SGCZ: variants seen among roughly 807,000 people sequenced by gnomAD.
SGCZ encodes zeta-sarcoglycan.
A neutral mutation model predicts 41.3 loss-of-function variants in SGCZ; 40 were observed. That is an observed-to-expected ratio of 0.97 (90% CI 0.75 to 1.26). The LOEUF is 1.26. Ranked by LOEUF, SGCZ falls within the 50% of genes most tolerant of loss-of-function variation. SGCZ has a pLI of 0.00. For missense variants in SGCZ, 552 were observed against 369.8 expected (o/e 1.49, Z -4.04); for synonymous variants, 206 against 137.5 (o/e 1.50, Z -3.49).
chr8:14,254,303 A>G (rs1799387864), intron 3 of SGCZ, among the ~76,000 whole-genome samples: 1 of 152,210 alleles, frequency 6.6e-6, no homozygotes, highest in East Asian at 1.9e-4. Flanking sequence ...TTCCCACAAT[A>G]CTAGCATTTG....
chr8:14,607,694 G>C lies in SGCZ; in HGVS notation c.40-52768C>G, dbSNP rs555911798. On this transcript the variant is annotated intron_variant, in intron 1 of 7. Coordinates refer to ENST00000382080, the MANE Select transcript of SGCZ (RefSeq NM_139167.4). ...TAGAAAGTAGTATTGATCTCAACTC[G>C]TGGGATCTACACAATCAAGAAAAGA... Among the ~76,000 whole-genome samples the C allele has an allele frequency of 1.5e-5, 2 of 129,348 alleles. 1 individual carries two copies. Among genetic ancestry groups the C allele is most frequent in the South Asian group, 4.9e-4 (2 of 4,066 alleles). 84.9% of individuals were successfully genotyped at this position (129,348 alleles called of 152,430 possible).
intron 1 of SGCZ, among the ~76,000 whole-genome samples, chr8:14,987,332 T>A (rs1288030795): frequency 6.6e-6 from 1 of 151,822 alleles, no homozygotes; most frequent in Non-Finnish European, 1.5e-5. Flanking sequence ...AAAACAGAAA[T>A]GAATTCATTT....
chr8:14,187,396 G>T (rs183235675), intron 4 of SGCZ, among the ~76,000 whole-genome samples: 50 of 152,268 alleles, frequency 3.3e-4, no homozygotes, highest in Non-Finnish European at 4.9e-4. Flanking sequence ...GCAAATGTCA[G>T]ACTTAACCAA....
chr8:14,239,889 G>A (rs1201906427), intron 3 of SGCZ, among the ~76,000 whole-genome samples: 1 of 100,622 alleles, frequency 9.9e-6, no homozygotes, highest in Non-Finnish European at 1.8e-5. Context: ...GCGACAGAGC[G>A]AGACTCCGTC....
At chr8:14,895,286 T>C in intron 1 of SGCZ, among the ~76,000 whole-genome samples, 1 of 152,118 alleles carries the variant, frequency 6.6e-6, no homozygotes, top group East Asian at 1.9e-4. Flanking sequence ...ATTCTTCTGA[T>C]TGTTAGTGTA....
intron 1 of SGCZ, among the ~76,000 whole-genome samples, chr8:15,006,295 T>C (rs1372292251): frequency 6.6e-6 from 1 of 152,246 alleles, no homozygotes; most frequent in Non-Finnish European, 1.5e-5. Context: ...CAGTTATTCA[T>C]TTGCAGTAAT....
At chr8:14,123,167 A>G (rs953780561) in intron 5 of SGCZ, among the ~76,000 whole-genome samples, 3 of 152,206 alleles carry the variant, frequency 2.0e-5, no homozygotes, top group African/African-American at 7.2e-5. Context: ...AGATTCCAAG[A>G]TATTTATTTC....
chr8:14,398,241 G>T (rs1045285763), intron 2 of SGCZ, among the ~76,000 whole-genome samples: 4 of 152,124 alleles, frequency 2.6e-5, no homozygotes, highest in Non-Finnish European at 4.4e-5. Flanking sequence ...AGAGTTATTC[G>T]AGCATTCTAA....
chr8:14,170,568 T>G (rs1463902650), intron 4 of SGCZ, among the ~76,000 whole-genome samples: 1 of 152,144 alleles, frequency 6.6e-6, no homozygotes, highest in African/African-American at 2.4e-5. Context: ...TTCTATTGAC[T>G]ACATTGTCTA....
At chr8:14,464,416 T>A (rs989305329) in intron 2 of SGCZ, among the ~76,000 whole-genome samples, 1 of 151,432 alleles carries the variant, frequency 6.6e-6, no homozygotes, top group Non-Finnish European at 1.5e-5. Flanking sequence ...ACTCTTATAA[T>A]CCTTTTTATA....
chr8:14,116,120 T>A (rs376722546), intron 5 of SGCZ, among the ~76,000 whole-genome samples: 1 of 152,096 alleles, frequency 6.6e-6, no homozygotes. Flanking sequence ...AAACAGATGG[T>A]ACATAATTGT....
chr8:14,702,011 G>A (rs145659876), intron 1 of SGCZ, among the ~76,000 whole-genome samples: 2 of 151,758 alleles, frequency 1.3e-5, no homozygotes, highest in South Asian at 4.2e-4. Flanking sequence ...ATTTTTACAC[G>A]CACTGGCACT....
intron 2 of SGCZ, among the ~76,000 whole-genome samples, chr8:14,433,700 G>T (rs1017876083): frequency 6.6e-6 from 1 of 152,126 alleles, no homozygotes; most frequent in African/African-American, 2.4e-5. Flanking sequence ...ACATAAACAC[G>T]CTCTCTGAGG....
chr8:15,065,349 AG>A (rs1447068380), intron 1 of SGCZ, among the ~76,000 whole-genome samples: 4 of 151,932 alleles, frequency 2.6e-5, no homozygotes, highest in Admixed American at 2.6e-4. Context: ...CTGACCCAGG[AG>A]GCCTAGTTAG....
At chr8:14,636,783 G>T (rs1806842610) in intron 1 of SGCZ, among the ~76,000 whole-genome samples, 2 of 151,822 alleles carry the variant, frequency 1.3e-5, no homozygotes, top group African/African-American at 4.8e-5. Context: ...GACTATAAAT[G>T]CTAAACATAA....
chr8:14,609,454 T>C (rs929766874), intron 1 of SGCZ, among the ~76,000 whole-genome samples: 2 of 152,130 alleles, frequency 1.3e-5, no homozygotes, highest in Non-Finnish European at 1.5e-5. Context: ...ATATAATTTC[T>C]TGAAAAAAAG....
rs34307530 is a variant in SGCZ at position 14,823,055 on chromosome 8, TAAAA to T, written c.40-268133_40-268130del. On this transcript the variant is annotated intron_variant, in intron 1 of 7. Transcript: ENST00000382080. The stretch of plus-strand genomic sequence containing the variant: ...GGCAATGAAGCCACACCAATCCTCA[TAAAA>T]AAAAAAAAAAAAAAAAAAGACTTCT... Among the ~76,000 whole-genome samples the T allele has an allele frequency of 3.4e-4, 26 of 75,474 alleles. 1 individual carries two copies. The South Asian group carries it at 0.013, about 39-fold the overall frequency. 49.5% of individuals were successfully genotyped at this position (75,474 alleles called of 152,430 possible).
At chr8:14,349,298 A>G (rs6998799) in intron 2 of SGCZ, among the ~76,000 whole-genome samples, 8,610 of 152,126 alleles carry the variant, frequency 0.057, 713 homozygotes, top group African/African-American at 0.18. Flanking sequence ...CCTATAAACT[A>G]TGTGATAAAA....
At chr8:15,162,645 G>A (rs1253618358) in intron 1 of SGCZ, among the ~76,000 whole-genome samples, 2 of 152,182 alleles carry the variant, frequency 1.3e-5, no homozygotes, top group African/African-American at 4.8e-5. Context: ...TTTCATAAGA[G>A]TTAGGAAAAT....
Sources: gnomAD v4.1 joint callset for allele counts (sites outside exome capture counted in the v4.1 genomes callset) on GRCh38, gnomAD v4.1.1 for gene constraint, MANE v1.5 for transcripts, NCBI Gene and HGNC (gene_info 2026-07-23, HGNC 2026-07-21) for gene names.